NTM: variants seen among roughly 807,000 people sequenced by gnomAD.
The protein encoded by NTM is neurotrimin, also known as IgLON family member 2.
In NTM, 13 loss-of-function variants were observed where a neutral mutation model predicts 42.1. The ratio of observed to expected loss-of-function variants is 0.31; its 90% CI spans 0.20 to 0.49. The LOEUF (loss-of-function observed/expected upper bound fraction) is 0.49. NTM is among the 20% of genes least tolerant of loss of function. The pLI is 0.99. For synonymous variants in NTM, 187 were observed against 179.2 expected, an observed-to-expected ratio of 1.04 and a Z score of -0.35; for missense variants, 373 against 452.8, an observed-to-expected ratio of 0.82 and a Z score of 1.60.
chr11:132,252,609 AAG>A lies in NTM; in HGVS notation c.526+40470_526+40471del, dbSNP rs1403010665. Among the ~76,000 whole-genome samples, 3 of 152,330 alleles carry A rather than the reference AAG, an allele frequency of 2.0e-5. 1 individual carries two copies. The highest frequency in any genetic ancestry group is 6.8e-3 in the Middle Eastern group (2 of 294). ...AGATGAATAAGAAGTTGGTTAATAA[AAG>A]AGAGAGAAAAACAACTTGCAGCTTT... On this transcript the variant is annotated intron_variant, in intron 4 of 8. Transcript: ENST00000683400.
chr11:132,003,640 T>C lies in NTM; in HGVS notation c.167+91992T>C, dbSNP rs557509563. 3.3e-5 allele frequency among the ~76,000 whole-genome samples: 5 copies of C among 152,136 alleles called. No homozygotes were observed. The highest frequency in any genetic ancestry group is 7.3e-5 in the Non-Finnish European group (5 of 68,032). ...ATGTGCTTTCAGCTCAGCTCTGTTG[T>C]TCACTCAAGAAGAAAAGGCTTTTCC... is the stretch of plus-strand genomic sequence containing the variant. On this transcript the variant is annotated intron_variant, in intron 2 of 8. Transcript: ENST00000683400. The surrounding 1 kb of genome is among the most constrained non-coding windows in gnomAD (Gnocchi z 6.0).
At chr11:132,170,899 AT>A (rs1462293547) in intron 3 of NTM, among the ~76,000 whole-genome samples, 1 of 152,188 alleles carries the variant, frequency 6.6e-6, no homozygotes, top group Admixed American at 6.5e-5. Context: ...GGATTGCGGT[AT>A]TTGAGGATGC....
At chr11:131,780,403 G>A (rs1236208448) in intron 1 of NTM, among the ~76,000 whole-genome samples, 1 of 152,010 alleles carries the variant, frequency 6.6e-6, no homozygotes, top group Non-Finnish European at 1.5e-5. Flanking sequence ...TGAGACTATG[G>A]GTCATTCTCA....
chr11:131,633,657 C>T (rs1261958019), intron 1 of NTM, among the ~76,000 whole-genome samples: 7 of 142,592 alleles, frequency 4.9e-5, no homozygotes, highest in Non-Finnish European at 1.1e-4. Flanking sequence ...CTCTCTCTCC[C>T]TCTCTCTCCC....
At chr11:131,859,941 T>A (rs1386125888) in intron 1 of NTM, among the ~76,000 whole-genome samples, 1 of 152,020 alleles carries the variant, frequency 6.6e-6, no homozygotes, top group African/African-American at 2.4e-5. Context: ...TTTTCTCACT[T>A]CCTCCCCACT....
intron 1 of NTM, among the ~76,000 whole-genome samples, chr11:131,445,660 G>T (rs2136006332): frequency 6.6e-6 from 1 of 152,336 alleles, no homozygotes; most frequent in Middle Eastern, 3.4e-3. Flanking sequence ...CAGGACACAT[G>T]TGACTTGCTT....
intron 1 of NTM, among the ~76,000 whole-genome samples, chr11:131,634,251 G>A (rs61901591): frequency 0.047 from 7,210 of 152,224 alleles, 232 homozygotes; most frequent in Middle Eastern, 0.088. Context: ...TCTTAATCAC[G>A]GAGGCATCTA....
intron 4 of NTM, among the ~76,000 whole-genome samples, chr11:132,268,654 G>A (rs1040350952): frequency 1.0e-5 from 1 of 96,762 alleles, no homozygotes; most frequent in Admixed American, 1.0e-4. Context: ...TGTGGTGTGG[G>A]GTCCTCTCTC....
intron 1 of NTM, among the ~76,000 whole-genome samples, chr11:131,478,657 C>T (rs1953217886): frequency 6.6e-6 from 1 of 152,134 alleles, no homozygotes; most frequent in Non-Finnish European, 1.5e-5. Context: ...AGACTCTGAC[C>T]ACGGTGGTTA....
At chr11:131,407,367 TAC>T in intron 1 of NTM, among the ~76,000 whole-genome samples, 1 of 152,320 alleles carries the variant, frequency 6.6e-6, no homozygotes, top group East Asian at 1.9e-4. Context: ...TCAGTTTGTA[TAC>T]AAGAGCTACA....
chr11:132,237,510 G>A (rs1040587096), intron 4 of NTM, among the ~76,000 whole-genome samples: 4 of 152,186 alleles, frequency 2.6e-5, no homozygotes, highest in African/African-American at 7.2e-5. Context: ...GGCGGAAAGT[G>A]AAAGAAGCCG....
intron 1 of NTM, among the ~76,000 whole-genome samples, chr11:131,416,204 T>C (rs1565479354): frequency 2.0e-5 from 3 of 151,440 alleles, no homozygotes; most frequent in East Asian, 2.0e-4. Flanking sequence ...TTTTTTTTTT[T>C]CTTCCCTTTT....
intron 1 of NTM, among the ~76,000 whole-genome samples, chr11:131,890,055 C>A (rs191735954): frequency 1.3e-5 from 2 of 152,222 alleles, no homozygotes; most frequent in East Asian, 3.9e-4. Flanking sequence ...TCCTCCCTGA[C>A]CCAATTCTCT....
chr11:131,570,296 A>T (rs1472217454), intron 1 of NTM, among the ~76,000 whole-genome samples: 2 of 152,202 alleles, frequency 1.3e-5, no homozygotes, highest in Non-Finnish European at 2.9e-5. Flanking sequence ...TTCACTTTGT[A>T]AAGCTCTAAC....
intron 1 of NTM, among the ~76,000 whole-genome samples, chr11:131,470,158 G>A (rs955313580): frequency 2.0e-5 from 3 of 152,164 alleles, no homozygotes; most frequent in African/African-American, 2.4e-5. Flanking sequence ...GGCAGGACAT[G>A]GTTACTTTCT....
At chr11:131,623,341 GA>G (rs2137678739) in intron 1 of NTM, among the ~76,000 whole-genome samples, 1 of 152,334 alleles carries the variant, frequency 6.6e-6, no homozygotes, top group South Asian at 2.1e-4. Flanking sequence ...ATGTGAGAAA[GA>G]TTTGCACCCA....
rs1223175967 is a variant in NTM, at chr11:132,108,696, A to G, written c.168-37586A>G. On this transcript the variant is annotated intron_variant, in intron 2 of 8. Transcript: ENST00000683400. ...CCTATTGAAATAAAAAATTTAAAAA[A>G]AATTCAAATATTTTTATTATTATTA... Among the ~76,000 whole-genome samples the G allele has an allele frequency of 2.0e-5, 3 of 152,182 alleles. No individual in the cohort carries two copies. The East Asian group carries it at 5.8e-4, about 29-fold the overall frequency.
At chr11:131,567,017 T>C (rs981906635) in intron 1 of NTM, among the ~76,000 whole-genome samples, 2 of 151,350 alleles carry the variant, frequency 1.3e-5, no homozygotes, top group Non-Finnish European at 2.9e-5. Flanking sequence ...ACCCTCAAGG[T>C]GGTCAGAGCT....
chr11:132,080,772 C>A (rs1487841192), intron 2 of NTM, among the ~76,000 whole-genome samples: 1 of 152,016 alleles, frequency 6.6e-6, no homozygotes, highest in Non-Finnish European at 1.5e-5. Context: ...GGATTTTAAT[C>A]TAAAAAAAAC....
Sources: allele counts gnomAD v4.1 joint callset (sites outside exome capture counted in the v4.1 genomes callset), GRCh38; gene constraint gnomAD v4.1.1; non-coding constraint Gnocchi (gnomAD v3.1); transcripts MANE v1.5; gene names NCBI Gene and HGNC (gene_info 2026-07-23, HGNC 2026-07-21).